The following ESCO1 variants were observed in gnomAD, a reference collection of about 807,000 sequenced individuals.
ESCO1 encodes the protein establishment of sister chromatid cohesion N-acetyltransferase 1.
Under a neutral mutation model 83.5 loss-of-function variants are expected in ESCO1, and 33 were observed. The observed-to-expected ratio is 0.40, with a 90% confidence interval of 0.30 to 0.53. The LOEUF (loss-of-function observed/expected upper bound fraction) is 0.53, where lower values mean the gene tolerates loss of function less well. ESCO1 is among the 20% of genes least tolerant of loss of function. The pLI is 0.63. For synonymous variants in ESCO1, 332 were observed against 324.3 expected (o/e 1.02, Z -0.25); for missense variants, 855 against 968.0 (o/e 0.88, Z 1.55).
intron 2 of ESCO1, among the ~76,000 whole-genome samples, chr18:21,583,652 A>G (rs1381807282): frequency 6.6e-6 from 1 of 152,154 alleles, no homozygotes; most frequent in Non-Finnish European, 1.5e-5. Context: ...TCAAAAAAAA[A>G]AAAAGAAAAG....
chr18:21,532,974 C>A (rs997448615), intron 10 of ESCO1, among the ~76,000 whole-genome samples: 2 of 151,952 alleles, frequency 1.3e-5, no homozygotes, highest in Non-Finnish European at 2.9e-5. Context: ...CATGAGGAGC[C>A]CCCCCAATAG....
chr18:21,554,716 C>G (rs1378313233), intron 8 of ESCO1, among the ~76,000 whole-genome samples: 1 of 152,122 alleles, frequency 6.6e-6, no homozygotes, highest in Non-Finnish European at 1.5e-5. Context: ...CAAAACTAGT[C>G]TGGCCAACAC....
At chr18:21,553,627 G>A (rs561965967) in intron 8 of ESCO1, among the ~76,000 whole-genome samples, 1 of 152,042 alleles carries the variant, frequency 6.6e-6, no homozygotes, top group East Asian at 1.9e-4. Context: ...GAAGGCTGAG[G>A]CGGGCGGATC....
At chr18:21,586,733 A>C (rs1017534198) in intron 1 of ESCO1, among the ~76,000 whole-genome samples, 3 of 152,056 alleles carry the variant, frequency 2.0e-5, no homozygotes, top group East Asian at 3.8e-4. Context: ...GACGCCTTTT[A>C]TTTCTTTCCC....
At chr18:21,581,128 T>C (rs563694221) in intron 2 of ESCO1, among the ~76,000 whole-genome samples, 26 of 152,202 alleles carry the variant, frequency 1.7e-4, no homozygotes, top group African/African-American at 6.3e-4. Flanking sequence ...CTGGCTAACA[T>C]GGTGAAACCC....
intron 1 of ESCO1, among the ~76,000 whole-genome samples, chr18:21,599,598 TAGATAC>T (rs1243391915): frequency 3.3e-5 from 5 of 152,220 alleles, no homozygotes; most frequent in Non-Finnish European, 7.3e-5. Flanking sequence ...TAATACTATC[TAGATAC>T]TGTGTGCTGC....
At position 21,573,966 on chromosome 18, in the gene ESCO1, T is replaced by A; in HGVS notation, c.878A>T (p.Glu293Val). The A allele has an allele frequency of 6.2e-7, 1 of 1,613,988 alleles. No individual in the cohort carries two copies. Among genetic ancestry groups the A allele is most frequent in the South Asian group, 1.1e-5 (1 of 91,084 alleles). The change falls in exon 4 of 12, where the codon GAG becomes GTG. Residue 293 changes from glutamate (E) to valine (V), a missense_variant. Physicochemically the swap from Glu to Val is moderately radical, Grantham distance 121. This residue lies in a region of ESCO1 where 726 missense variants were observed against 699.5 expected (regional missense o/e 1.04). Transcript: ENST00000269214. The part of the protein sequence containing the change: ...SVPEQSDNEL[E>V]QAGKSKRGSI... ...ACCTCGTTTGCTCTTTCCTGCTTGCTCCAGCTCATTATCACTTTGTTCAGG... is the reference window on the plus strand; with the variant it reads ...ACCTCGTTTGCTCTTTCCTGCTTGCACCAGCTCATTATCACTTTGTTCAGG...
chr18:21,556,019 T>A (rs1394642025), intron 8 of ESCO1, among the ~76,000 whole-genome samples: 2 of 151,936 alleles, frequency 1.3e-5, no homozygotes, highest in Non-Finnish European at 2.9e-5. Context: ...CTTTGGGAAC[T>A]CAAGGTAGGC....
chr18:21,547,137 C>G (rs2037983914), intron 8 of ESCO1, among the ~76,000 whole-genome samples: 1 of 152,160 alleles, frequency 6.6e-6, no homozygotes, highest in Admixed American at 6.5e-5. Flanking sequence ...GCTCTATGCT[C>G]TATATAATAC....
At chr18:21,594,925 CTGTGTGTGTGTGTGTG>C (rs35336026) in intron 1 of ESCO1, among the ~76,000 whole-genome samples, 21 of 143,692 alleles carry the variant, frequency 1.5e-4, no homozygotes, top group South Asian at 4.5e-4. Flanking sequence ...TCTACAACTA[CTGTGTGTGTGTGTGTG>C]TGTGTGTGTG....
intron 8 of ESCO1, among the ~76,000 whole-genome samples, chr18:21,560,033 A>T (rs2038162812): frequency 6.6e-6 from 1 of 152,160 alleles, no homozygotes; most frequent in African/African-American, 2.4e-5. Context: ...TGGTACCTAT[A>T]TAAAGATTTA....
At chr18:21,565,752 C>T (rs1002533302) in intron 6 of ESCO1, among the ~76,000 whole-genome samples, 1 of 152,042 alleles carries the variant, frequency 6.6e-6, no homozygotes, top group African/African-American at 2.4e-5. Flanking sequence ...GCCTGAGCAG[C>T]ATAGCAAGAC....
At chr18:21,553,756 C>G (rs2038076350) in intron 8 of ESCO1, among the ~76,000 whole-genome samples, 1 of 151,232 alleles carries the variant, frequency 6.6e-6, no homozygotes, top group South Asian at 2.1e-4. Context: ...ACTCGGGAGG[C>G]TGAGGCAGGA....
chr18:21,595,175 T>C (rs764333671), intron 1 of ESCO1, among the ~76,000 whole-genome samples: 2 of 151,870 alleles, frequency 1.3e-5, no homozygotes, highest in Non-Finnish European at 2.9e-5. Flanking sequence ...TTTAAACATA[T>C]ATTATGATAG....
intron 9 of ESCO1, 29 bp downstream of exon 9, chr18:21,539,891 C>T: frequency 1.3e-6 from 2 of 1,569,656 alleles, no homozygotes; most frequent in Non-Finnish European, 8.7e-7. Flanking sequence ...ATATTATCCA[C>T]TCTACATGAA....
At chr18:21,589,684 AAC>A (rs1409623381) in intron 1 of ESCO1, among the ~76,000 whole-genome samples, 2 of 152,192 alleles carry the variant, frequency 1.3e-5, no homozygotes, top group Non-Finnish European at 2.9e-5. Context: ...CTTCTGGGAC[AAC>A]AGAGTAGAGA....
chr18:21,578,174 C>T (rs533016047), intron 2 of ESCO1, among the ~76,000 whole-genome samples: 3 of 151,912 alleles, frequency 2.0e-5, no homozygotes, highest in African/African-American at 7.2e-5. Flanking sequence ...ACAAGAAAAG[C>T]CTTAATATGA....
chr18:21,595,331 T>A (rs1001011160), intron 1 of ESCO1, among the ~76,000 whole-genome samples: 28 of 125,366 alleles, frequency 2.2e-4, no homozygotes, highest in African/African-American at 8.2e-4. Flanking sequence ...GCCACTGCAC[T>A]CCAGCCTGGG....
At position 21,574,591 on chromosome 18, in the gene ESCO1, T is replaced by C. The variant is rs1424640764; in HGVS notation, c.253A>G (p.Lys85Glu). 1 of 1,614,004 alleles carries C rather than the reference T, an allele frequency of 6.2e-7. No homozygotes were observed. Among genetic ancestry groups the C allele is most frequent in the Non-Finnish European group, 8.5e-7 (1 of 1,180,012 alleles). The change falls in exon 4 of 12, where the codon AAA becomes GAA. Residue 85 changes from lysine to glutamate, a missense_variant. Around this residue, in one of 2 missense-constraint regions of ESCO1, gnomAD observed 726 missense variants for 699.5 expected, o/e 1.04. Coordinates refer to ENST00000269214, the MANE Select transcript of ESCO1 (RefSeq NM_052911.3). ...TATCCCCTCACAGTCACCGTATTTT[T>C]ATTAATGGATTTAGTAGCTTTATCA... ...SNDKATKSINKNTVTVRGYSQ... is the reference protein window; with the variant it reads ...SNDKATKSINENTVTVRGYSQ...
Sources: gnomAD v4.1 joint callset for allele counts (sites outside exome capture counted in the v4.1 genomes callset) on GRCh38, gnomAD v4.1.1 for gene constraint, gnomAD v4.1.1 regional missense constraint, MANE v1.5 for transcripts, NCBI Gene and HGNC (gene_info 2026-07-23, HGNC 2026-07-21) for gene names.